PDE10A: variants seen among roughly 807,000 people sequenced by gnomAD.
PDE10A encodes phosphodiesterase 10A.
A neutral mutation model predicts 97.7 loss-of-function variants in PDE10A; 39 were observed. The ratio of observed to expected loss-of-function variants is 0.40; its 90% CI spans 0.31 to 0.52. The LOEUF (loss-of-function observed/expected upper bound fraction) is 0.52, where lower values mean the gene tolerates loss of function less well. Ranked by LOEUF, PDE10A falls within the 20% of genes least tolerant of loss-of-function variation. The pLI is 0.56. For missense variants in PDE10A, 731 were observed against 1,047.8 expected (o/e 0.70, Z 4.17); for synonymous variants, 371 against 376.8 (o/e 0.98, Z 0.18).
intron 1 of PDE10A, among the ~76,000 whole-genome samples, chr6:165,685,198 A>T (rs1791082003): frequency 6.6e-6 from 1 of 152,122 alleles, no homozygotes; most frequent in South Asian, 2.1e-4. Flanking sequence ...CACAGGTAAG[A>T]ATATAGTAAA....
chr6:165,399,292 C>A (rs1340436101), intron 13 of PDE10A, among the ~76,000 whole-genome samples: 1 of 152,106 alleles, frequency 6.6e-6, no homozygotes, highest in Non-Finnish European at 1.5e-5. Flanking sequence ...AATCAAAATC[C>A]CAGTAGGCTT....
intron 1 of PDE10A, among the ~76,000 whole-genome samples, chr6:165,907,374 G>C (rs898974045): frequency 4.6e-5 from 7 of 152,256 alleles, no homozygotes; most frequent in African/African-American, 1.7e-4. Flanking sequence ...GGGTGGGCGA[G>C]AGCCTCCCTC....
intron 1 of PDE10A, among the ~76,000 whole-genome samples, chr6:165,795,093 C>G (rs777809908): frequency 6.6e-6 from 1 of 152,336 alleles, no homozygotes; most frequent in East Asian, 1.9e-4. Flanking sequence ...CTACCTACCC[C>G]ACTCTTCCCG....
At chr6:165,650,761 A>ATT (rs144321034) in intron 1 of PDE10A, among the ~76,000 whole-genome samples, 1 of 147,812 alleles carries the variant, frequency 6.8e-6, no homozygotes. Context: ...GGTTACATGC[A>ATT]TTTTTTTTTT....
rs537217378 is a variant in PDE10A at position 165,752,774 on chromosome 6, G to C, written c.-614-209206C>G. Among the ~76,000 whole-genome samples, 6 of 152,298 alleles carry C rather than the reference G, an allele frequency of 3.9e-5. No individual in the cohort carries two copies. In the South Asian group the frequency reaches 1.2e-3, roughly 32 times the overall value. On this transcript the variant is annotated intron_variant, in intron 1 of 19. Transcript: ENST00000366882. Reference sequence around the variant, plus strand: ...AAAATGCTCATGTATTGGTTTCTTAGATTAGAATCCCTAAGGGAGGCTGCG... The same window carrying C: ...AAAATGCTCATGTATTGGTTTCTTACATTAGAATCCCTAAGGGAGGCTGCG...
chr6:165,709,306 C>T (rs1189972482), intron 1 of PDE10A, among the ~76,000 whole-genome samples: 7 of 140,804 alleles, frequency 5.0e-5, no homozygotes, highest in Non-Finnish European at 9.3e-5. Context: ...CATGCTGCGG[C>T]GCTCTCCCCC....
Position 165,537,020 on chromosome 6 carries a change from T to C in PDE10A, c.994+6420A>G, listed in dbSNP as rs368464895. Among the ~76,000 whole-genome samples, 22 of 152,150 alleles carry C rather than the reference T, an allele frequency of 1.4e-4. 1 individual carries two copies. In the South Asian group the frequency reaches 2.3e-3, roughly 16 times the overall value. ...ATGTTTATTGCAGCACTATTCATAG[T>C]AGCCGAAATATGTAATCAACCTAAG... On this transcript the variant is annotated intron_variant, in intron 2 of 21. Coordinates refer to ENST00000539869, the MANE Select transcript of PDE10A (RefSeq NM_001385079.1).
chr6:165,763,489 A>AT lies in PDE10A; in HGVS notation c.-614-219922dup, dbSNP rs1378111310. On this transcript the variant is annotated intron_variant, in intron 1 of 19. Coordinates refer to the PDE10A transcript ENST00000366882. ...AGGCGCCCACCACCATACCCAGCTA[A>AT]TTTTTGTATTTTTAGTGGAGACACA... Among the ~76,000 whole-genome samples the AT allele has an allele frequency of 9.9e-5, 15 of 151,878 alleles. No homozygotes were observed. The South Asian group carries it at 1.7e-3, about 17-fold the overall frequency.
At chr6:165,375,143 A>C (rs1442408926) in intron 18 of PDE10A, among the ~76,000 whole-genome samples, 1 of 152,166 alleles carries the variant, frequency 6.6e-6, no homozygotes, top group Non-Finnish European at 1.5e-5. Context: ...ATGACCTCTA[A>C]CTGTTCAAGT....
chr6:165,383,431 C>T (rs1275385149), intron 17 of PDE10A, among the ~76,000 whole-genome samples: 1 of 152,168 alleles, frequency 6.6e-6, no homozygotes, highest in East Asian at 1.9e-4. Flanking sequence ...TTGGATGTGA[C>T]TGTCCACACA....
At chr6:165,736,371 A>T (rs1792574707) in intron 1 of PDE10A, among the ~76,000 whole-genome samples, 1 of 152,146 alleles carries the variant, frequency 6.6e-6, no homozygotes, top group Admixed American at 6.5e-5. Flanking sequence ...AGAAGTAGAG[A>T]TGCATTAAAG....
intron 1 of PDE10A, among the ~76,000 whole-genome samples, chr6:165,848,261 G>C (rs1427060166): frequency 6.6e-6 from 1 of 152,130 alleles, no homozygotes; most frequent in Non-Finnish European, 1.5e-5. Context: ...AGGATGGCGA[G>C]CAACATGGGC....
At chr6:165,797,821 T>C (rs6917116) in intron 1 of PDE10A, among the ~76,000 whole-genome samples, 35,280 of 152,138 alleles carry the variant, frequency 0.23, 4,199 homozygotes, top group African/African-American at 0.27. Flanking sequence ...AGCAAATGTC[T>C]CTTGTTTCTA....
chr6:165,802,317 A>G (rs1409935548), intron 1 of PDE10A, among the ~76,000 whole-genome samples: 3 of 152,220 alleles, frequency 2.0e-5, no homozygotes, highest in Admixed American at 6.5e-5. Context: ...ATCAGACCTG[A>G]TTCCAACCCA....
chr6:165,785,036 T>C (rs961819075), intron 1 of PDE10A, among the ~76,000 whole-genome samples: 1 of 152,216 alleles, frequency 6.6e-6, no homozygotes, highest in Non-Finnish European at 1.5e-5. Context: ...TCATCATGGA[T>C]TGGAGAATTA....
intron 1 of PDE10A, among the ~76,000 whole-genome samples, chr6:165,577,602 G>A (rs765182770): frequency 6.6e-5 from 10 of 152,128 alleles, no homozygotes; most frequent in Non-Finnish European, 1.3e-4. Flanking sequence ...GTCCACCTGA[G>A]GCACTCGTTC....
At chr6:165,746,480 C>A (rs1018746859) in intron 1 of PDE10A, among the ~76,000 whole-genome samples, 29 of 152,262 alleles carry the variant, frequency 1.9e-4, no homozygotes, top group Non-Finnish European at 1.0e-4. Context: ...CATGAAGCAG[C>A]TTTCTCCCGC....
At chr6:165,498,859 G>A (rs1780705263) in intron 2 of PDE10A, among the ~76,000 whole-genome samples, 1 of 151,910 alleles carries the variant, frequency 6.6e-6, no homozygotes, top group Non-Finnish European at 1.5e-5. Flanking sequence ...TAACTTCATT[G>A]GTACATCTTA....
At chr6:165,461,453 C>T (rs552510048) in intron 3 of PDE10A, among the ~76,000 whole-genome samples, 1 of 152,274 alleles carries the variant, frequency 6.6e-6, no homozygotes, top group South Asian at 2.1e-4. Context: ...ACGCCCTATA[C>T]TTCAGCTCAA....
Sources: gnomAD v4.1 joint callset for allele counts (sites outside exome capture counted in the v4.1 genomes callset) on GRCh38, gnomAD v4.1.1 for gene constraint, MANE v1.5 for transcripts, NCBI Gene and HGNC (gene_info 2026-07-23, HGNC 2026-07-21) for gene names.